CELA3A: variants seen among roughly 807,000 people sequenced by gnomAD.
CELA3A encodes the protein chymotrypsin-like elastase family member 3A.
A neutral mutation model predicts 38.6 loss-of-function variants in CELA3A; 35 were observed. The ratio of observed to expected loss-of-function variants is 0.91; its 90% confidence interval spans 0.69 to 1.20. CELA3A has a LOEUF of 1.20. CELA3A is among the 50% of genes most tolerant of loss of function. CELA3A has a pLI of 0.00. For synonymous variants in CELA3A, 143 were observed against 136.7 expected (o/e 1.05, Z -0.32); for missense variants, 343 against 354.2 (o/e 0.97, Z 0.25).
chr1:22,007,290 T>A, intron 5 of CELA3A, 83 bp from the exon 6 acceptor site: 1 of 1,518,660 alleles, frequency 6.6e-7, no homozygotes, highest in South Asian at 1.3e-5. Context: ...GCAGAAGAAC[T>A]GTGGGCCTTG....
At chr1:22,010,197 A>C (rs1209872512) in intron 7 of CELA3A, 7 of 384,694 alleles carry the variant, frequency 1.8e-5, no homozygotes. Flanking sequence ...TGATTACATG[A>C]ATGAGAACGA....
chr1:22,005,938 C>T, intron 4 of CELA3A, 142 bp downstream of exon 4: 1 of 1,518,756 alleles, frequency 6.6e-7, no homozygotes, highest in Non-Finnish European at 8.9e-7. Context: ...AGTCCAGCAG[C>T]CTGTGCCCAG....
chr1:22,005,023 C>T (rs544146568), intron 2 of CELA3A, among the ~76,000 whole-genome samples: 2 of 150,062 alleles, frequency 1.3e-5, no homozygotes, highest in African/African-American at 2.5e-5. Context: ...CGCTTGAACC[C>T]GGGAGGCGGA....
At position 22,003,007 on chromosome 1, in the gene CELA3A, A is replaced by G; in HGVS notation, c.48A>G (p.Ser16=). ...LSSLLLVAVA[S]GYGPPSSHSS... is the part of the protein sequence containing the mutation. Reference sequence around the variant, plus strand: ...CAGCTCTCCTCTCCCCTCTAGCCTCAGGCTATGGCCCACCTTCCTCTCACT... The same window carrying G: ...CAGCTCTCCTCTCCCCTCTAGCCTCGGGCTATGGCCCACCTTCCTCTCACT... The change falls in exon 2 of 8, where the codon TCA becomes TCG. Residue 16 remains serine, a synonymous_variant. Coordinates refer to ENST00000290122, the MANE Select transcript of CELA3A (RefSeq NM_005747.5). 6.3e-7 allele frequency: 1 copy of G among 1,577,118 alleles called. No individual in the cohort carries two copies. The highest frequency in any genetic ancestry group is 8.6e-7 in the Non-Finnish European group (1 of 1,167,008).
chr1:22,003,517 T>A (rs193207330), intron 2 of CELA3A, among the ~76,000 whole-genome samples: 30 of 150,554 alleles, frequency 2.0e-4, no homozygotes, highest in African/African-American at 6.6e-4. Flanking sequence ...TGTGGCTATT[T>A]AAATTTAATT....
intron 6 of CELA3A, among the ~76,000 whole-genome samples, chr1:22,008,088 A>G (rs1466199495): frequency 2.0e-5 from 3 of 149,156 alleles, no homozygotes; most frequent in African/African-American, 7.5e-5. Flanking sequence ...TGGGAGTTCA[A>G]GCTCACAGTG....
Position 22,005,567 on chromosome 1 carries a change from G to T in CELA3A, c.227+23G>T, listed in dbSNP as rs766401051. ...CTCGTGAGTTCTCTACCCTGTCCCT[G>T]CCTGTGGCCCTGGGCAGCGGGGGAG... On this transcript the variant is annotated intron_variant, in intron 3 of 7. Transcript: ENST00000290122. 14 of 1,612,608 alleles carry T rather than the reference G, an allele frequency of 8.7e-6. No individual in the cohort carries two copies. In the East Asian group the frequency reaches 2.5e-4, roughly 28 times the overall value.
rs142433982 is a variant in CELA3A at position 22,006,929 on chromosome 1, C to T, written c.414C>T (p.Ala138=). 1.1e-3 allele frequency: 1,734 copies of T among 1,612,408 alleles called. 33 individuals carry two copies. The highest frequency in any genetic ancestry group is 1.3e-3 in the Non-Finnish European group (1,581 of 1,179,454). The change falls in exon 5 of 8, where the codon GCC becomes GCT. Residue 138 remains alanine, a synonymous_variant. Coordinates refer to ENST00000290122, the MANE Select transcript of CELA3A (RefSeq NM_005747.5). ...CACGCAGCGCCCAGCTGGGAGATGCCGTCCAGCTCGCCTCACTCCCTCCCG... is the reference window on the plus strand; with the variant it reads ...CACGCAGCGCCCAGCTGGGAGATGCTGTCCAGCTCGCCTCACTCCCTCCCG... ...KLSRSAQLGD[A]VQLASLPPAG...
At position 22,005,718 on chromosome 1, in the gene CELA3A, G is replaced by T. The variant is rs777822677; in HGVS notation, c.284G>T (p.Gly95Val). ...LGEYNLAVKE[G>V]PEQVIPINSE... ...GAGTACAACCTTGCTGTGAAGGAGG[G>T]CCCCGAGCAGGTGATCCCCATCAAC... Residue 95 changes from glycine (G) to valine (V), a missense_variant, in exon 4 of 8, where the codon GGC (glycine) becomes GTC (valine). By Grantham distance (109) the Gly-to-Val change is moderately radical. Coordinates refer to ENST00000290122, the MANE Select transcript of CELA3A (RefSeq NM_005747.5). The T allele has an allele frequency of 1.9e-6, 3 of 1,612,380 alleles. 1 individual carries two copies. In the African/African-American group the frequency reaches 4.0e-5, roughly 22 times the overall value.
chr1:22,007,048 C>T (rs2152819597), intron 5 of CELA3A, 34 bp downstream of exon 5: 1 of 1,606,780 alleles, frequency 6.2e-7, no homozygotes, highest in East Asian at 2.2e-5. Context: ...GCCACAGAGA[C>T]AGTGGCAGAA....
At chr1:22,009,459 C>A (rs1233274991) in intron 6 of CELA3A, among the ~76,000 whole-genome samples, 2 of 151,226 alleles carry the variant, frequency 1.3e-5, no homozygotes, top group Non-Finnish European at 2.9e-5. Context: ...GCAGGAGAAT[C>A]ACTTGAACCT....
intron 5 of CELA3A, 52 bp from the exon 6 acceptor site, chr1:22,007,321 C>T: frequency 6.4e-7 from 1 of 1,554,036 alleles, no homozygotes; most frequent in Admixed American, 2.0e-5. Context: ...TCCTCTGGGG[C>T]ACCTAGCGGT....
At chr1:22,008,531 G>A (rs1189859160) in intron 6 of CELA3A, among the ~76,000 whole-genome samples, 6 of 150,746 alleles carry the variant, frequency 4.0e-5, no homozygotes, top group African/African-American at 7.4e-5. Context: ...AGGCCGAGCC[G>A]GGCGGATCAC....
chr1:22,005,768 C>T lies in CELA3A; in HGVS notation c.334C>T (p.Leu112Phe). 6.2e-7 allele frequency: 1 copy of T among 1,611,902 alleles called. No individual in the cohort carries two copies. Among genetic ancestry groups the T allele is most frequent in the Non-Finnish European group, 8.5e-7 (1 of 1,179,502 alleles). ...CTCTGAGGAGCTGTTTGTGCATCCA[C>T]TCTGGAACCGCTCGTGTGTGGCCTG... is the stretch of plus-strand genomic sequence containing the variant. ...INSEELFVHP[L>F]WNRSCVACGN... Residue 112 changes from leucine to phenylalanine, a missense_variant, in exon 4 of 8, where the codon CTC (leucine) becomes TTC (phenylalanine). By Grantham distance (22) the Leu-to-Phe change is conservative. Transcript: ENST00000290122.
In CELA3A at chr1:22,005,469, G is replaced by C. The variant is rs559865625; in HGVS notation, c.152G>C (p.Ser51Thr). 6.1e-5 allele frequency: 98 copies of C among 1,612,750 alleles called. 2 individuals are homozygous for C. Among genetic ancestry groups the C allele is most frequent in the South Asian group, 3.5e-4 (32 of 91,052 alleles). ...CAGGTTTCCCTGCAGTATGAGAAAA[G>C]TGGAAGCTTCTACCACACGTGTGGC... ...PWQVSLQYEK[S>T]GSFYHTCGGS... The change falls in exon 3 of 8, where the codon AGT (serine) becomes ACT (threonine). Residue 51 changes from serine to threonine, a missense_variant. By Grantham distance (58) the Ser-to-Thr change is moderately conservative. Coordinates refer to ENST00000290122, the MANE Select transcript of CELA3A (RefSeq NM_005747.5).
chr1:22,007,480 G>T lies in CELA3A; in HGVS notation c.607G>T (p.Val203Leu). 1 of 1,612,442 alleles carries T rather than the reference G, an allele frequency of 6.2e-7. No homozygotes were observed. The highest frequency in any genetic ancestry group is 2.2e-5 in the East Asian group (1 of 44,708). The change falls in exon 6 of 8, where the codon GTG (valine) becomes TTG (leucine). Residue 203 changes from valine to leucine, a missense_variant. Val to Leu is a conservative substitution (Grantham distance 32, BLOSUM62 1). Coordinates refer to ENST00000290122, the MANE Select transcript of CELA3A (RefSeq NM_005747.5). ...GGGTTCCACCGTGAAGAAAACCATG[G>T]TGTGTGCTGGAGGGTACATCCGCTC... ...WWGSTVKKTM[V>L]CAGGYIRSGC...
intron 6 of CELA3A, among the ~76,000 whole-genome samples, chr1:22,009,136 C>T (rs1174338663): frequency 3.3e-5 from 5 of 151,232 alleles, no homozygotes; most frequent in Non-Finnish European, 4.4e-5. Flanking sequence ...GAGGCTGAGG[C>T]GGGCGGATCA....
intron 2 of CELA3A, 69 bp downstream of exon 2, chr1:22,003,157 T>C (rs1264204994): frequency 1.5e-6 from 2 of 1,377,174 alleles, no homozygotes; most frequent in Non-Finnish European, 2.0e-6. Flanking sequence ...TGGCGTGGCA[T>C]CCAGCCTTGA....
intron 2 of CELA3A, among the ~76,000 whole-genome samples, 154 bp from the exon 3 acceptor site, chr1:22,005,293 C>T (rs1482992588): frequency 1.3e-5 from 2 of 151,722 alleles, no homozygotes; most frequent in African/African-American, 2.4e-5. Context: ...CTGCCCAGGT[C>T]GCAGGTTGTA....
Sources: gnomAD v4.1 joint callset for allele counts (sites outside exome capture counted in the v4.1 genomes callset) on GRCh38, gnomAD v4.1.1 for gene constraint, MANE v1.5 for transcripts, NCBI Gene and HGNC (gene_info 2026-07-23, HGNC 2026-07-21) for gene names.